The following FAM184A variants were observed in gnomAD, a reference collection of about 807,000 sequenced individuals.
FAM184A encodes protein FAM184A.
A neutral mutation model predicts 143.8 loss-of-function variants in FAM184A; 99 were observed. The ratio of observed to expected loss-of-function variants is 0.69; its 90% CI spans 0.58 to 0.81. The LOEUF (loss-of-function observed/expected upper bound fraction) is 0.81. FAM184A is among the 40% of genes least tolerant of loss of function. The pLI is 0.00. For synonymous variants in FAM184A, 427 were observed against 446.4 expected, an observed-to-expected ratio of 0.96 and a Z score of 0.55; for missense variants, 1,217 against 1,310.5, an observed-to-expected ratio of 0.93 and a Z score of 1.10.
At chr6:119,021,246 G>A (rs1374625576) in intron 3 of FAM184A, among the ~76,000 whole-genome samples, 3 of 152,124 alleles carry the variant, frequency 2.0e-5, no homozygotes, top group African/African-American at 7.2e-5. Flanking sequence ...TCACTGATAA[G>A]CCAATCAAAA....
intron 13 of FAM184A, 45 bp from the exon 14 acceptor site, chr6:118,974,619 A>G (rs770389621): frequency 1.1e-5 from 17 of 1,505,436 alleles, no homozygotes; most frequent in Admixed American, 2.0e-5. Flanking sequence ...TCTGAAGTCA[A>G]GCTTTCAAAA....
intron 1 of FAM184A, among the ~76,000 whole-genome samples, chr6:119,103,533 C>T (rs1023610322): frequency 6.6e-6 from 1 of 152,124 alleles, no homozygotes; most frequent in African/African-American, 2.4e-5. Flanking sequence ...GAAGATTGTG[C>T]ATAATTGGAT....
chr6:119,127,713 C>T (rs575898109), intron 1 of FAM184A, among the ~76,000 whole-genome samples: 1 of 152,148 alleles, frequency 6.6e-6, no homozygotes, highest in Non-Finnish European at 1.5e-5. Context: ...TCAAAGCAAG[C>T]ATTTCTCCTT....
At chr6:119,051,984 G>GT (rs1786786700) in intron 1 of FAM184A, among the ~76,000 whole-genome samples, 1 of 152,166 alleles carries the variant, frequency 6.6e-6, no homozygotes, top group Non-Finnish European at 1.5e-5. Context: ...CCAGACAGCA[G>GT]TATCTATGTA....
intron 1 of FAM184A, among the ~76,000 whole-genome samples, chr6:119,125,418 G>C (rs1331250839): frequency 6.6e-6 from 1 of 152,138 alleles, no homozygotes. Context: ...TGGGACTATA[G>C]GTCGGGACTA....
At chr6:118,997,852 T>C (rs1357464647) in intron 9 of FAM184A, among the ~76,000 whole-genome samples, 1 of 152,152 alleles carries the variant, frequency 6.6e-6, no homozygotes, top group Non-Finnish European at 1.5e-5. Context: ...TCAGTAACCA[T>C]ATTTAAAAGA....
chr6:119,134,031 G>T (rs1381270431), intron 1 of FAM184A, among the ~76,000 whole-genome samples: 1 of 151,900 alleles, frequency 6.6e-6, no homozygotes, highest in Non-Finnish European at 1.5e-5. Context: ...CACAGGAAAA[G>T]ATTAATACAC....
At chr6:119,075,845 C>T (rs1417223143) in intron 1 of FAM184A, among the ~76,000 whole-genome samples, 1 of 152,080 alleles carries the variant, frequency 6.6e-6, no homozygotes, top group Non-Finnish European at 1.5e-5. Flanking sequence ...GTGTATATGA[C>T]TATAAAATTT....
At chr6:119,025,727 C>T (rs758743509) in intron 1 of FAM184A, 34 of 433,226 alleles carry the variant, frequency 7.8e-5, no homozygotes, top group African/African-American at 2.5e-4. Flanking sequence ...GAGATGAGCC[C>T]ACTTTCTTCC....
chr6:119,108,098 C>G (rs946012912), intron 1 of FAM184A, among the ~76,000 whole-genome samples: 1 of 139,836 alleles, frequency 7.2e-6, no homozygotes, highest in Non-Finnish European at 1.5e-5. Context: ...CACATAATTC[C>G]CAAATTTGAA....
At position 119,078,352 on chromosome 6, in the gene FAM184A, C is replaced by T; in HGVS notation, c.-53G>A. The T allele has an allele frequency of 7.3e-7, 1 of 1,374,550 alleles. No individual in the cohort carries two copies. Among genetic ancestry groups the T allele is most frequent in the East Asian group, 3.1e-5 (1 of 32,636 alleles). The allele number at this position is 1,374,550 out of a possible 1,614,324, so 85.1% of individuals were successfully genotyped here. A position where few individuals can be genotyped will look rare whatever the true frequency, so the allele number is the denominator to read the frequency against. On this transcript the variant is annotated 5_prime_UTR_variant, in exon 1 of 18. Transcript: ENST00000338891. The surrounding 1 kb of genome is among the most constrained non-coding windows in gnomAD (Gnocchi z 5.5). ...CTGTCCCCGCGGGTGGAGGCAGGCC[C>T]GTGGAGCAACGACGCCCGGGAGGCA...
intron 1 of FAM184A, among the ~76,000 whole-genome samples, chr6:119,049,460 T>A (rs893184909): frequency 4.0e-5 from 6 of 151,150 alleles, no homozygotes; most frequent in Non-Finnish European, 5.9e-5. Context: ...AAAAATAAAA[T>A]AAAAACAAAA....
At chr6:119,122,621 T>C (rs1044672250) in intron 1 of FAM184A, among the ~76,000 whole-genome samples, 1 of 152,206 alleles carries the variant, frequency 6.6e-6, no homozygotes, top group African/African-American at 2.4e-5. Flanking sequence ...TTCTTCTCCA[T>C]GTTCAAAAAA....
chr6:119,097,401 A>T lies in FAM184A; in HGVS notation c.-202+51677T>A, dbSNP rs532006307. On this transcript the variant is annotated intron_variant, in intron 1 of 16. Coordinates refer to the FAM184A transcript ENST00000352896. Reference sequence around the variant, plus strand: ...AACACATGCTTGTAAAGCAAGTTTTATGCAACAGAATGAATATTCAAAAAT... The same window carrying T: ...AACACATGCTTGTAAAGCAAGTTTTTTGCAACAGAATGAATATTCAAAAAT... 5.9e-5 allele frequency among the ~76,000 whole-genome samples: 9 copies of T among 152,364 alleles called. No individual in the cohort carries two copies. The South Asian group carries it at 1.9e-3, about 32-fold the overall frequency.
chr6:119,100,504 A>G (rs557421019), intron 1 of FAM184A, among the ~76,000 whole-genome samples: 1 of 152,230 alleles, frequency 6.6e-6, no homozygotes, highest in African/African-American at 2.4e-5. Context: ...GTGAAAAGTC[A>G]TTGTCTACCT....
At chr6:118,964,618 A>T in intron 16 of FAM184A, 49 bp downstream of exon 16, 2 of 1,070,380 alleles carry the variant, frequency 1.9e-6, no homozygotes, top group Non-Finnish European at 2.7e-6. Flanking sequence ...CCAAATTTTT[A>T]ACCAACTTTT....
intron 9 of FAM184A, among the ~76,000 whole-genome samples, chr6:118,998,781 A>C (rs949783339): frequency 3.3e-5 from 5 of 152,166 alleles, no homozygotes; most frequent in African/African-American, 1.2e-4. Flanking sequence ...GGAGAGAGTG[A>C]CAGGAGATGA....
chr6:119,002,969 T>C lies in FAM184A; in HGVS notation c.2018A>G (p.Gln673Arg), dbSNP rs1784808925. 1 of 1,613,068 alleles carries C rather than the reference T, an allele frequency of 6.2e-7. No individual in the cohort carries two copies. Among genetic ancestry groups the C allele is most frequent in the African/African-American group, 1.3e-5 (1 of 75,028 alleles). The change falls in exon 9 of 18, where the codon CAG (glutamine) becomes CGG (arginine). Residue 673 changes from glutamine to arginine, a missense_variant. Transcript: ENST00000338891. Reference protein sequence around the residue: ...DKKSAMSQLLQLKDREKNAAR... With the variant: ...DKKSAMSQLLRLKDREKNAAR... ...TGCATTTTTCTCTCGATCTTTCAAC[T>C]GCAAAAGTTGAGACATTGCTGACTT...
rs1787933737 is a variant in FAM184A at position 119,078,034 on chromosome 6, A to G, written c.159+107T>C. 4.6e-6 allele frequency: 6 copies of G among 1,302,376 alleles called. No homozygotes were observed. Among genetic ancestry groups the G allele is most frequent in the Middle Eastern group, 2.7e-4 (1 of 3,738 alleles). 80.7% of individuals were successfully genotyped at this position (1,302,376 alleles called of 1,614,324 possible). On this transcript the variant is annotated intron_variant, in intron 1 of 17. Coordinates refer to ENST00000338891, the MANE Select transcript of FAM184A (RefSeq NM_024581.6). The surrounding 1 kb of genome is among the most constrained non-coding windows in gnomAD (Gnocchi z 5.5). ...CCGGCTGTTGCTTCGGCGGAGGAGT[A>G]GAGTTCCCCTCGCTGCGGGCGCAGG...
Sources: gnomAD v4.1 joint callset for allele counts (sites outside exome capture counted in the v4.1 genomes callset) on GRCh38, gnomAD v4.1.1 for gene constraint, Gnocchi (gnomAD v3.1) non-coding constraint, MANE v1.5 for transcripts, NCBI Gene and HGNC (gene_info 2026-07-23, HGNC 2026-07-21) for gene names.